The following GLDC variants were observed in gnomAD, a reference collection of about 807,000 sequenced individuals.
GLDC encodes glycine decarboxylase, also known as glycine dehydrogenase (decarboxylating), mitochondrial.
GLDC carries 104 observed loss-of-function variants against 121.3 expected under a neutral mutation model. That is an observed-to-expected ratio of 0.86 (90% CI 0.73 to 1.01). GLDC has a LOEUF of 1.01. Ranked by LOEUF, GLDC falls within the 50% of genes least tolerant of loss-of-function variation. The pLI is 0.00. For missense variants in GLDC, 1,429 were observed against 1,306.6 expected (o/e 1.09, Z -1.44); for synonymous variants, 546 against 480.6 (o/e 1.14, Z -1.78).
chr9:6,549,246 T>C (rs1817458784), intron 21 of GLDC, among the ~76,000 whole-genome samples: 1 of 152,014 alleles, frequency 6.6e-6, no homozygotes, highest in Admixed American at 6.6e-5. Context: ...ATTTGTCTGT[T>C]GACTGCCAGA....
intron 22 of GLDC, among the ~76,000 whole-genome samples, chr9:6,539,117 T>A (rs1282913781): frequency 6.6e-6 from 1 of 152,176 alleles, no homozygotes; most frequent in Non-Finnish European, 1.5e-5. Flanking sequence ...ATGGCAATGT[T>A]CTCCCCAACT....
chr9:6,572,371 T>C (rs906773842), intron 15 of GLDC, among the ~76,000 whole-genome samples: 8 of 152,132 alleles, frequency 5.3e-5, no homozygotes, highest in African/African-American at 1.9e-4. Flanking sequence ...AGGGTTACAT[T>C]AGGATGTTGA....
At chr9:6,564,373 A>C (rs1157893009) in intron 16 of GLDC, among the ~76,000 whole-genome samples, 1 of 152,166 alleles carries the variant, frequency 6.6e-6, no homozygotes. Flanking sequence ...CCTGTTATGA[A>C]AGGGAAGTGA....
Position 6,566,778 on chromosome 9 carries a change from T to C in GLDC, c.1851-1349A>G, listed in dbSNP as rs186346280. On this transcript the variant is annotated intron_variant, in intron 15 of 24. Transcript: ENST00000321612. ...AAATACTAAAAAAAGATACAAAAAT[T>C]TAAACTTTAAACAAATGAAAATTTA... is the stretch of plus-strand genomic sequence containing the variant. Among the ~76,000 whole-genome samples, 7 of 152,300 alleles carry C rather than the reference T, an allele frequency of 4.6e-5. No homozygotes were observed. In the East Asian group the frequency reaches 1.3e-3, roughly 29 times the overall value.
At chr9:6,558,230 G>A in intron 17 of GLDC, 2 of 573,592 alleles carry the variant, frequency 3.5e-6, no homozygotes, top group Non-Finnish European at 6.2e-6. Flanking sequence ...ACACGAAGAT[G>A]TGTAAGTGTG....
At chr9:6,552,240 T>C (rs1046357219) in intron 20 of GLDC, among the ~76,000 whole-genome samples, 2 of 152,200 alleles carry the variant, frequency 1.3e-5, no homozygotes, top group Non-Finnish European at 2.9e-5. Flanking sequence ...TTTATTTATT[T>C]AGTTTTTAAA....
At chr9:6,631,229 A>G (rs1485142835) in intron 2 of GLDC, among the ~76,000 whole-genome samples, 1 of 152,164 alleles carries the variant, frequency 6.6e-6, no homozygotes, top group Admixed American at 6.5e-5. Context: ...CCTGACCCTC[A>G]GGGGTTACCG....
intron 2 of GLDC, among the ~76,000 whole-genome samples, chr9:6,638,790 C>T (rs534347326): frequency 2.1e-4 from 32 of 152,214 alleles, no homozygotes; most frequent in African/African-American, 7.5e-4. Flanking sequence ...GCAGGCAGAT[C>T]ACGAGGTCAG....
At chr9:6,637,659 G>A (rs1213476428) in intron 2 of GLDC, among the ~76,000 whole-genome samples, 2 of 151,970 alleles carry the variant, frequency 1.3e-5, no homozygotes, top group Non-Finnish European at 2.9e-5. Context: ...TAGAGACAGG[G>A]TTTTGCCACG....
intron 15 of GLDC, among the ~76,000 whole-genome samples, chr9:6,586,880 G>C (rs939541167): frequency 3.9e-5 from 6 of 152,146 alleles, no homozygotes; most frequent in African/African-American, 1.4e-4. Context: ...GGAAGCTCAA[G>C]GAACTACAAG....
At chr9:6,628,949 C>T (rs1345835483) in intron 2 of GLDC, among the ~76,000 whole-genome samples, 2 of 152,104 alleles carry the variant, frequency 1.3e-5, no homozygotes, top group Admixed American at 1.3e-4. Flanking sequence ...ATTGCATAAT[C>T]TCCTGGTCCT....
chr9:6,637,535 C>T (rs117150375), intron 2 of GLDC, among the ~76,000 whole-genome samples: 5 of 151,954 alleles, frequency 3.3e-5, no homozygotes, highest in Admixed American at 1.3e-4. Context: ...CTGCAACCTT[C>T]TCTTCCCTGC....
At chr9:6,618,843 C>G (rs1310263925) in intron 3 of GLDC, among the ~76,000 whole-genome samples, 1 of 152,026 alleles carries the variant, frequency 6.6e-6, no homozygotes, top group Admixed American at 6.5e-5. Flanking sequence ...ACACACACCC[C>G]TAGAAGTAGG....
At chr9:6,639,254 A>G (rs1471119841) in intron 2 of GLDC, 2 of 915,856 alleles carry the variant, frequency 2.2e-6, no homozygotes, top group Admixed American at 1.7e-5. Context: ...ACAAAAAAAA[A>G]GAAGATCCGC....
chr9:6,544,735 A>C (rs1012791816), intron 21 of GLDC, among the ~76,000 whole-genome samples: 3 of 151,882 alleles, frequency 2.0e-5, no homozygotes, highest in African/African-American at 7.3e-5. Flanking sequence ...TACTAATGGG[A>C]ACTCCATTCA....
intron 22 of GLDC, among the ~76,000 whole-genome samples, chr9:6,537,727 T>A (rs1224549388): frequency 6.6e-6 from 1 of 151,970 alleles, no homozygotes; most frequent in Non-Finnish European, 1.5e-5. Context: ...CTGCAGTAAG[T>A]CAAGATCACA....
chr9:6,639,085 T>G, intron 2 of GLDC: 2 of 685,080 alleles, frequency 2.9e-6, no homozygotes, highest in South Asian at 3.2e-5. Flanking sequence ...GGCAACAAGG[T>G]GACAGTCCAA....
chr9:6,600,281 T>C (rs941605575), intron 8 of GLDC, among the ~76,000 whole-genome samples: 2 of 151,028 alleles, frequency 1.3e-5, no homozygotes, highest in Non-Finnish European at 2.9e-5. Context: ...GACCGGAGAA[T>C]AATTTGAGCC....
chr9:6,602,796 A>T (rs1337384413), intron 7 of GLDC, among the ~76,000 whole-genome samples: 1 of 152,248 alleles, frequency 6.6e-6, no homozygotes, highest in East Asian at 1.9e-4. Flanking sequence ...TGAACTTCTT[A>T]GGAGACACAG....
Sources: gnomAD v4.1 joint callset for allele counts (sites outside exome capture counted in the v4.1 genomes callset) on GRCh38, gnomAD v4.1.1 for gene constraint, MANE v1.5 for transcripts, NCBI Gene and HGNC (gene_info 2026-07-23, HGNC 2026-07-21) for gene names.